SRC: variants seen among roughly 807,000 people sequenced by gnomAD.
SRC encodes proto-oncogene tyrosine-protein kinase Src.
In SRC, 13 loss-of-function variants were observed where a neutral mutation model predicts 62.9. The observed-to-expected ratio is 0.21, with a 90% CI of 0.13 to 0.33. The LOEUF is 0.33. Ranked by LOEUF, SRC falls within the 10% of genes least tolerant of loss-of-function variation. The pLI is 1.00. For synonymous variants in SRC, 302 were observed against 317.5 expected, an observed-to-expected ratio of 0.95 and a Z score of 0.52; for missense variants, 457 against 737.3, an observed-to-expected ratio of 0.62 and a Z score of 4.40.
upstream of SRC, among the ~76,000 whole-genome samples, chr20:37,345,776 G>C (rs772096081): frequency 6.6e-6 from 1 of 151,934 alleles, no homozygotes; most frequent in Non-Finnish European, 1.5e-5. Flanking sequence ...ATTACCAATC[G>C]TGATTTCGGG....
At chr20:37,401,544 C>T (rs1166212977) in intron 10 of SRC, 58 bp from the exon 11 acceptor site, 1 of 1,397,550 alleles carries the variant, frequency 7.2e-7, no homozygotes. Flanking sequence ...TTTTGGGAAT[C>T]ACTGCATCCT....
intron 5 of SRC, among the ~76,000 whole-genome samples, chr20:37,389,056 C>A (rs1023248584): frequency 6.6e-5 from 10 of 152,078 alleles, no homozygotes; most frequent in Admixed American, 1.3e-4. Flanking sequence ...GAGGAGGAAC[C>A]CGTCTGTGGA....
At chr20:37,372,812 A>G (rs956610388) in intron 2 of SRC, among the ~76,000 whole-genome samples, 1 of 152,156 alleles carries the variant, frequency 6.6e-6, no homozygotes, top group Non-Finnish European at 1.5e-5. Context: ...GCTAAGAAAA[A>G]AAAACACCCT....
At chr20:37,363,249 G>A (rs764241489) in intron 1 of SRC, among the ~76,000 whole-genome samples, 24 of 152,172 alleles carry the variant, frequency 1.6e-4, no homozygotes, top group African/African-American at 5.6e-4. Flanking sequence ...GCAGGCCTTC[G>A]TGACTTGCAT....
intron 2 of SRC, 89 bp downstream of exon 2, chr20:37,365,366 ACACACG>A (rs1320754594): frequency 7.5e-6 from 1 of 133,558 alleles, no homozygotes; most frequent in Non-Finnish European, 1.6e-5. Context: ...ACACACACAC[ACACACG>A]ACAGGGAAAA....
Position 37,403,462 on chromosome 20 carries a change from C to A in SRC, c.*83C>A. ...CTCGGGGCTTGCCCCACTCTGCCTG[C>A]CTGCTGTTGGTCCTCTCTCTGTGGG... On this transcript the variant is annotated 3_prime_UTR_variant, in exon 14 of 14. Coordinates refer to ENST00000373578, the MANE Select transcript of SRC (RefSeq NM_198291.3). This position sits in a 1 kb window ranked among gnomAD's most constrained non-coding sequence, Gnocchi z 7.1. 7.1e-7 allele frequency: 1 copy of A among 1,408,698 alleles called. No homozygotes were observed. The highest frequency in any genetic ancestry group is 2.3e-4 in the Middle Eastern group (1 of 4,406). 87.3% of individuals were successfully genotyped at this position (1,408,698 alleles called of 1,614,324 possible).
chr20:37,384,118 C>T lies in SRC; in HGVS notation c.-4-32C>T. 6.3e-7 allele frequency: 1 copy of T among 1,592,708 alleles called. No individual in the cohort carries two copies. The stretch of plus-strand genomic sequence containing the variant: ...CGGCCAAGGGGCCCCGGCAGCCCTG[C>T]CTGTTCCAGTGTCTTCTCTCTCTCC... On this transcript the variant is annotated intron_variant, in intron 3 of 13. Transcript: ENST00000373578. This position sits in a 1 kb window ranked among gnomAD's most constrained non-coding sequence, Gnocchi z 6.7.
chr20:37,374,571 CTTTTTTTT>C (rs71187927), intron 2 of SRC, among the ~76,000 whole-genome samples: 12 of 88,962 alleles, frequency 1.3e-4, no homozygotes, highest in Admixed American at 8.5e-4. Context: ...TAATAATACT[CTTTTTTTT>C]TTTTTTTTTT....
intron 2 of SRC, among the ~76,000 whole-genome samples, chr20:37,379,817 AC>A (rs1872706670): frequency 6.7e-6 from 1 of 148,288 alleles, no homozygotes; most frequent in African/African-American, 2.5e-5. Context: ...AACCGCTGGA[AC>A]CCGGGAGGCG....
At chr20:37,359,071 C>T (rs1168475144) in intron 1 of SRC, among the ~76,000 whole-genome samples, 1 of 152,274 alleles carries the variant, frequency 6.6e-6, no homozygotes, top group Admixed American at 6.5e-5. Flanking sequence ...CTCAGACTTG[C>T]TTCTGCCCTG....
chr20:37,373,893 C>T (rs958598872), intron 2 of SRC, among the ~76,000 whole-genome samples: 2 of 152,062 alleles, frequency 1.3e-5, no homozygotes, highest in African/African-American at 4.8e-5. Flanking sequence ...ATTACTGTGT[C>T]TTTATAGTAA....
chr20:37,397,668 C>T lies in SRC; in HGVS notation c.704-31C>T, dbSNP rs749290951. 17 of 1,531,802 alleles carry T rather than the reference C, an allele frequency of 1.1e-5. No individual in the cohort carries two copies. Among genetic ancestry groups the T allele is most frequent in the Middle Eastern group, 4.4e-4 (2 of 4,564 alleles). 94.9% of individuals were successfully genotyped at this position (1,531,802 alleles called of 1,614,324 possible). On this transcript the variant is annotated intron_variant, in intron 8 of 13. Coordinates refer to ENST00000373578, the MANE Select transcript of SRC (RefSeq NM_198291.3). The surrounding 1 kb of genome is among the most constrained non-coding windows in gnomAD (Gnocchi z 4.1). Reference sequence around the variant, plus strand: ...CAGGGAGGCCCCAGGGCAGAAGACCCGCCTAACTGCTCCTCCTGCCTCCTC... The same window carrying T: ...CAGGGAGGCCCCAGGGCAGAAGACCTGCCTAACTGCTCCTCCTGCCTCCTC...
At chr20:37,347,821 G>A (rs1973098649) in intron 1 of SRC, among the ~76,000 whole-genome samples, 2 of 152,188 alleles carry the variant, frequency 1.3e-5, no homozygotes, top group South Asian at 4.1e-4. Context: ...AGGCCCTATA[G>A]TTGGAAGCTG....
intron 2 of SRC, among the ~76,000 whole-genome samples, chr20:37,367,095 ATTTTT>A (rs770197409): frequency 1.1e-4 from 14 of 125,394 alleles, no homozygotes; most frequent in African/African-American, 3.5e-4. Context: ...TGTGGTTTTG[ATTTTT>A]TTTTTTTTTT....
At chr20:37,401,482 C>G (rs574510447) in intron 10 of SRC, 120 bp from the exon 11 acceptor site, 1 of 683,066 alleles carries the variant, frequency 1.5e-6, no homozygotes, top group South Asian at 1.8e-5. Context: ...GATGAGTTTA[C>G]GTAAAATCTG....
chr20:37,348,988 T>C (rs1206277098), intron 1 of SRC, among the ~76,000 whole-genome samples: 8 of 140,968 alleles, frequency 5.7e-5, no homozygotes, highest in Admixed American at 3.5e-4. Flanking sequence ...TGAAGGGGAG[T>C]GGGTAAGAGG....
chr20:37,390,306 C>G (rs2070525634), intron 5 of SRC, among the ~76,000 whole-genome samples: 1 of 151,620 alleles, frequency 6.6e-6, no homozygotes, highest in Non-Finnish European at 1.5e-5. Context: ...TGTGGAAATA[C>G]CAATTTAGTT....
chr20:37,394,299 A>C, intron 7 of SRC, 22 bp downstream of exon 7: 4 of 1,601,044 alleles, frequency 2.5e-6, no homozygotes, highest in Non-Finnish European at 2.6e-6. Flanking sequence ...CTTGCTGGCC[A>C]ACGGATACTG....
chr20:37,354,466 A>G (rs1398010209), intron 1 of SRC, among the ~76,000 whole-genome samples: 3 of 152,158 alleles, frequency 2.0e-5, no homozygotes, highest in African/African-American at 7.2e-5. Flanking sequence ...AGCTGCAGGG[A>G]CGGACTTCCA....
Sources: gnomAD v4.1 joint callset for allele counts (sites outside exome capture counted in the v4.1 genomes callset) on GRCh38, gnomAD v4.1.1 for gene constraint, Gnocchi (gnomAD v3.1) non-coding constraint, MANE v1.5 for transcripts, NCBI Gene and HGNC (gene_info 2026-07-23, HGNC 2026-07-21) for gene names.